The following PSMB1 variants were observed in gnomAD, a reference collection of about 807,000 sequenced individuals.
PSMB1 encodes proteasome 20S subunit beta 1.
Under a neutral mutation model 25.4 loss-of-function variants are expected in PSMB1, and 7 were observed. The ratio of observed to expected loss-of-function variants is 0.28; its 90% CI spans 0.16 to 0.52. PSMB1 has a LOEUF of 0.52. PSMB1 is among the 20% of genes least tolerant of loss of function. The pLI is 0.97. For synonymous variants in PSMB1, 119 were observed against 115.0 expected (o/e 1.03, Z -0.22); for missense variants, 284 against 302.2 (o/e 0.94, Z 0.45).
intron 4 of PSMB1, among the ~76,000 whole-genome samples, chr6:170,540,099 G>A (rs1176654849): frequency 6.6e-6 from 1 of 152,124 alleles, no homozygotes; most frequent in Non-Finnish European, 1.5e-5. Context: ...ATTTTTAAAA[G>A]GCATGAGAGC....
chr6:170,549,059 T>C lies in PSMB1; in HGVS notation c.168A>G (p.Arg56=). 1.2e-6 allele frequency: 2 copies of C among 1,613,966 alleles called. No individual in the cohort carries two copies. Among genetic ancestry groups the C allele is most frequent in the South Asian group, 1.1e-5 (1 of 91,084 alleles). ...TATGAATTGAAAACCCTTCACTCAA[T>C]CGAGTATCAGAAGCAACAATTGCAA... ...EDFAIVASDT[R]LSEGFSIHTR... Residue 56 remains arginine (R), a synonymous_variant, in exon 2 of 6, where the codon CGA becomes CGG. Coordinates refer to ENST00000262193, the MANE Select transcript of PSMB1 (RefSeq NM_002793.4).
At chr6:170,553,080 C>G (rs375615040) in intron 1 of PSMB1, 50 bp downstream of exon 1, 7 of 1,482,740 alleles carry the variant, frequency 4.7e-6, no homozygotes, top group Admixed American at 1.9e-5. Context: ...TAGGCTTCAG[C>G]AGATGGGGGA....
intron 2 of PSMB1, among the ~76,000 whole-genome samples, chr6:170,547,013 A>G (rs1162152479): frequency 6.6e-6 from 1 of 152,162 alleles, no homozygotes; most frequent in African/African-American, 2.4e-5. Flanking sequence ...AAGAGACATT[A>G]AGTCACCATA....
At position 170,546,133 on chromosome 6, in the gene PSMB1, C is replaced by T. The variant is rs139264881; in HGVS notation, c.273G>A (p.Thr91=). ...GTCTTGCTTCAATAATCTTTGTCAG[C>T]GTAAGACAGTCTCCATGAAAACCGC... ...GCSGFHGDCL[T]LTKIIEARLK... Residue 91 remains threonine, a synonymous_variant, in exon 3 of 6, where the codon ACG becomes ACA. Coordinates refer to ENST00000262193, the MANE Select transcript of PSMB1 (RefSeq NM_002793.4). The T allele has an allele frequency of 2.2e-4, 356 of 1,613,804 alleles. 4 individuals are homozygous for T. The East Asian group carries it at 4.5e-3, about 20-fold the overall frequency.
At chr6:170,536,455 C>T (rs1402778886) in intron 5 of PSMB1, 5 of 456,484 alleles carry the variant, frequency 1.1e-5, no homozygotes, top group African/African-American at 4.0e-5. Flanking sequence ...CCCCAAGAAG[C>T]AGGGAAAGTT....
chr6:170,541,785 A>G (rs919785290), intron 4 of PSMB1, among the ~76,000 whole-genome samples: 1 of 152,228 alleles, frequency 6.6e-6, no homozygotes, highest in Admixed American at 6.5e-5. Context: ...AAATCAAAGA[A>G]CAGGGCTCTG....
chr6:170,546,507 C>T (rs1015133743), intron 2 of PSMB1, among the ~76,000 whole-genome samples: 3 of 152,128 alleles, frequency 2.0e-5, no homozygotes, highest in Non-Finnish European at 4.4e-5. Context: ...CTCTTGTCAC[C>T]CAGGCTGGAA....
chr6:170,548,866 C>A, intron 2 of PSMB1, 140 bp downstream of exon 2: 1 of 652,936 alleles, frequency 1.5e-6, no homozygotes, highest in East Asian at 2.7e-5. Flanking sequence ...GAAACATTAA[C>A]TTAGAAAATG....
chr6:170,545,127 A>C (rs1778802985), intron 3 of PSMB1, among the ~76,000 whole-genome samples: 1 of 151,650 alleles, frequency 6.6e-6, no homozygotes, highest in Non-Finnish European at 1.5e-5. Context: ...CTGGGCAACA[A>C]GAGTGAAACT....
intron 4 of PSMB1, 53 bp from the exon 5 acceptor site, chr6:170,537,393 T>A (rs1006024084): frequency 1.4e-6 from 2 of 1,411,312 alleles, no homozygotes; most frequent in Non-Finnish European, 2.0e-6. Context: ...CAATCCCAAA[T>A]CATCGCAAAA....
intron 1 of PSMB1, chr6:170,549,323 G>A (rs542203171): frequency 4.1e-6 from 2 of 484,304 alleles, no homozygotes; most frequent in Non-Finnish European, 7.3e-6. Context: ...CCTAAATCAG[G>A]GCAAAGTCTC....
chr6:170,547,444 T>C (rs188727049), intron 2 of PSMB1, among the ~76,000 whole-genome samples: 1 of 152,254 alleles, frequency 6.6e-6, no homozygotes, highest in Non-Finnish European at 1.5e-5. Flanking sequence ...ACCTAAACAA[T>C]ATTTTGCAGA....
intron 4 of PSMB1, among the ~76,000 whole-genome samples, chr6:170,539,645 C>A (rs1778733618): frequency 6.6e-6 from 1 of 152,108 alleles, no homozygotes; most frequent in African/African-American, 2.4e-5. Context: ...ATCGGGTACT[C>A]AGGGTACTGG....
intron 5 of PSMB1, chr6:170,536,277 C>T: frequency 2.4e-6 from 1 of 422,704 alleles, no homozygotes; most frequent in Non-Finnish European, 4.7e-6. Context: ...TATGTAGATA[C>T]TAGCTATTTT....
intron 3 of PSMB1, 91 bp from the exon 4 acceptor site, chr6:170,543,821 A>G: frequency 8.3e-7 from 1 of 1,211,374 alleles, no homozygotes; most frequent in Non-Finnish European, 1.1e-6. Flanking sequence ...AAATAAATGC[A>G]TACCACAGTG....
chr6:170,539,905 T>G (rs575747215), intron 4 of PSMB1, among the ~76,000 whole-genome samples: 1 of 152,340 alleles, frequency 6.6e-6, no homozygotes, highest in African/African-American at 2.4e-5. Flanking sequence ...AAAAATTTTT[T>G]GTTAATTAAA....
chr6:170,543,184 A>C (rs1246538811), intron 4 of PSMB1, among the ~76,000 whole-genome samples: 1 of 152,210 alleles, frequency 6.6e-6, no homozygotes, highest in Non-Finnish European at 1.5e-5. Flanking sequence ...TTCTGAAAAC[A>C]CTGGAGTAGA....
At position 170,546,181 on chromosome 6, in the gene PSMB1, T is replaced by C; in HGVS notation, c.225A>G (p.Thr75=). 6.2e-7 allele frequency: 1 copy of C among 1,613,770 alleles called. No homozygotes were observed. The highest frequency in any genetic ancestry group is 1.7e-5 in the Admixed American group (1 of 60,006). The change falls in exon 3 of 6, where the codon ACA becomes ACG. Residue 75 remains threonine, a synonymous_variant. Transcript: ENST00000262193. The part of the protein sequence containing the change: ...TRDSPKCYKL[T]DKTVIGCSGF... Reference sequence around the variant, plus strand: ...CGCTGCATCCAATGACTGTTTTGTCTGTTCTGTAAAAAGCACATTTCAGAA... The same window carrying C: ...CGCTGCATCCAATGACTGTTTTGTCCGTTCTGTAAAAAGCACATTTCAGAA...
At chr6:170,549,155 C>A in intron 1 of PSMB1, 42 bp from the exon 2 acceptor site, 1 of 1,171,826 alleles carries the variant, frequency 8.5e-7, no homozygotes. Context: ...GGGTGGTAAT[C>A]CTATCCCTAC....
Sources: gnomAD v4.1 joint callset for allele counts (sites outside exome capture counted in the v4.1 genomes callset) on GRCh38, gnomAD v4.1.1 for gene constraint, MANE v1.5 for transcripts, NCBI Gene and HGNC (gene_info 2026-07-23, HGNC 2026-07-21) for gene names.